Variants in MUC4 observed in about 807,000 individuals in gnomAD.
MUC4 encodes mucin-4.
MUC4 carries 202 observed loss-of-function variants against 257.9 expected under a neutral mutation model. The observed-to-expected ratio is 0.78, with a 90% confidence interval of 0.70 to 0.88. The LOEUF (loss-of-function observed/expected upper bound fraction) is 0.88. MUC4 is among the 40% of genes least tolerant of loss of function. MUC4 has a pLI of 0.00. For synonymous variants in MUC4, 2,351 were observed against 2,757.1 expected, an observed-to-expected ratio of 0.85 and a Z score of 4.62; for missense variants, 5,976 against 6,513.7, an observed-to-expected ratio of 0.92 and a Z score of 2.84.
rs1176367268 is a variant in MUC4 at position 195,747,204 on chromosome 3, A to G, written c.16211T>C (p.Phe5404Ser). 1 of 1,614,272 alleles carries G rather than the reference A, an allele frequency of 6.2e-7. No individual in the cohort carries two copies. Among genetic ancestry groups the G allele is most frequent in the Non-Finnish European group, 8.5e-7 (1 of 1,180,050 alleles). ...WGCSGARFSY[F>S]LNSAEALP ...AGGCAAGGCCTCAGCTGAGTTCAGG[A>G]AATAGGAGAACCTGGCCCCGGAGCA... The change falls in exon 25 of 25, where the codon TTC becomes TCC. Residue 5404 changes from phenylalanine to serine, a missense_variant. This residue lies in a region of MUC4 where 310 missense variants were observed against 242.1 expected (regional missense o/e 1.28). Coordinates refer to ENST00000463781, the MANE Select transcript of MUC4 (RefSeq NM_018406.7).
intron 4 of MUC4, among the ~76,000 whole-genome samples, chr3:195,772,421 G>C (rs1723137421): frequency 7.7e-6 from 1 of 129,994 alleles, no homozygotes. Flanking sequence ...CATCGCTCAG[G>C]GGTGTAGACA....
In MUC4 at chr3:195,774,292, G is replaced by C. The variant is rs1389208130; in HGVS notation, c.12957C>G (p.Phe4319Leu). The change falls in exon 4 of 25, where the codon TTC (phenylalanine) becomes TTG (leucine). Residue 4319 changes from phenylalanine (F) to leucine (L), a missense_variant. Phe to Leu is a conservative substitution (Grantham distance 22). This residue lies in a region of MUC4 where 233 missense variants were observed against 171.2 expected (regional missense o/e 1.36). Transcript: ENST00000463781. Reference sequence around the variant, plus strand: ...GGTCCCCGGCGCCTGCCCCATAGGGGAAGAGGGAAACTCCTGGGCCAGGAC... The same window carrying C: ...GGTCCCCGGCGCCTGCCCCATAGGGCAAGAGGGAAACTCCTGGGCCAGGAC... ...PILPERGVSL[F>L]PYGAGAGDLE... 6.4e-7 allele frequency: 1 copy of C among 1,564,336 alleles called. No homozygotes were observed. The highest frequency in any genetic ancestry group is 8.6e-7 in the Non-Finnish European group (1 of 1,157,920).
chr3:195,767,610 TGCCACCACCATCACC>T (rs1721246277), intron 7 of MUC4, among the ~76,000 whole-genome samples: 1 of 9,894 alleles, frequency 1.0e-4, no homozygotes, highest in Non-Finnish European at 2.5e-4. Context: ...TCATCACCAT[TGCCACCACCATCACC>T]ACCATCACCA....
At position 195,777,854 on chromosome 3, in the gene MUC4, C is replaced by G. The variant is rs1156487651; in HGVS notation, c.12943+449G>C. ...ACCTTCCACATCCATACCTTCCACA[C>G]CCATACCTTCCACACCCATACCTTC... On this transcript the variant is annotated intron_variant, in intron 3 of 24. Transcript: ENST00000463781. Among the ~76,000 whole-genome samples the G allele has an allele frequency of 5.0e-3, 406 of 81,408 alleles. 1 individual carries two copies. The highest frequency in any genetic ancestry group is 0.02 in the African/African-American group (169 of 8,338). 53.4% of individuals were successfully genotyped at this position (81,408 alleles called of 152,430 possible).
At chr3:195,749,114 ATCAG>A in intron 23 of MUC4, 50 bp from the exon 24 acceptor site, 1 of 1,591,192 alleles carries the variant, frequency 6.3e-7, no homozygotes, top group South Asian at 1.1e-5. Flanking sequence ...TGAACACTAA[ATCAG>A]TACCTTTTCA....
Position 195,747,332 on chromosome 3 carries a change from G to A in MUC4, c.16083C>T (p.His5361=), listed in dbSNP as rs568401017. ...IYTAWGEHCE[H]LSMKLDAFFG... is the part of the protein sequence containing the mutation. Reference sequence around the variant, plus strand: ...AGAACGCGTCGAGTTTCATGCTCAGGTGCTCACAGTGCTCGCCCCAGGCCG... The same window carrying A: ...AGAACGCGTCGAGTTTCATGCTCAGATGCTCACAGTGCTCGCCCCAGGCCG... The change falls in exon 25 of 25, where the codon CAC becomes CAT. Residue 5361 remains histidine, a synonymous_variant. Coordinates refer to ENST00000463781, the MANE Select transcript of MUC4 (RefSeq NM_018406.7). The A allele has an allele frequency of 1.2e-6, 2 of 1,613,950 alleles. No individual in the cohort carries two copies. The highest frequency in any genetic ancestry group is 1.3e-5 in the African/African-American group (1 of 74,952).
At chr3:195,754,125 A>C in intron 19 of MUC4, 88 bp downstream of exon 19, 1 of 1,452,236 alleles carries the variant, frequency 6.9e-7, no homozygotes, top group Non-Finnish European at 9.2e-7. Context: ...TGGAAAAAGG[A>C]GAGAAATGGT....
At chr3:195,760,480 T>G in intron 16 of MUC4, among the ~76,000 whole-genome samples, 1 of 139,858 alleles carries the variant, frequency 7.2e-6, no homozygotes, top group Non-Finnish European at 1.6e-5. Flanking sequence ...GGTCCAGCGC[T>G]AGGATGGAGT....
intron 1 of MUC4, among the ~76,000 whole-genome samples, chr3:195,793,261 C>A (rs1295869577): frequency 6.6e-6 from 1 of 152,000 alleles, no homozygotes; most frequent in Non-Finnish European, 1.5e-5. Flanking sequence ...CTTTGGGAGG[C>A]TGAGATGGGT....
rs754904087 is a variant in MUC4 at position 195,782,387 on chromosome 3, C to G, written c.9193G>C (p.Ala3065Pro). ...NPLHVTSPSS[A>P]STGHATPLPV... is the part of the protein sequence containing the mutation. ...AGCGGGGTGGCGTGACCGGTGGATG[C>G]TGAGGAAGGGCTGGTGACATGAAGA... Residue 3065 changes from alanine to proline, a missense_variant, in exon 2 of 25, where the codon GCA (alanine) becomes CCA (proline). Around this residue, in one of 44 missense-constraint regions of MUC4, gnomAD observed 52 missense variants for 102.2 expected, o/e 0.51. Transcript: ENST00000463781. The G allele has an allele frequency of 7.8e-6, 11 of 1,406,706 alleles. No homozygotes were observed. The East Asian group carries it at 3.1e-4, about 40-fold the overall frequency. The allele number at this position is 1,406,706 out of a possible 1,614,324, so 87.1% of individuals were successfully genotyped here. A position where few individuals can be genotyped will look rare whatever the true frequency, so the allele number is the denominator to read the frequency against.
At chr3:195,802,584 C>A (rs902113732) in intron 1 of MUC4, among the ~76,000 whole-genome samples, 1 of 151,990 alleles carries the variant, frequency 6.6e-6, no homozygotes, top group Admixed American at 6.6e-5. Flanking sequence ...GCGTAGGTCC[C>A]GGGGGCGTGG....
rs561825288 is a variant in MUC4 at position 195,748,332 on chromosome 3, G to A, written c.16034+570C>T. ...TAATCTCAGCACTTTGGGAGGCCAA[G>A]GTGGACGGATCACCTGAGGTCAGGA... On this transcript the variant is annotated intron_variant, in intron 24 of 24. Coordinates refer to ENST00000463781, the MANE Select transcript of MUC4 (RefSeq NM_018406.7). Among the ~76,000 whole-genome samples, 140 of 152,412 alleles carry A rather than the reference G, an allele frequency of 9.2e-4. 1 individual carries two copies. The highest frequency in any genetic ancestry group is 1.7e-3 in the Admixed American group (26 of 15,314).
chr3:195,757,221 C>T lies in MUC4; in HGVS notation c.15094G>A (p.Val5032Met), dbSNP rs1434831106. Residue 5032 changes from valine to methionine, a missense_variant, in exon 18 of 25, where the codon GTG becomes ATG. By Grantham distance (21) the Val-to-Met change is conservative. Transcript: ENST00000463781. This position sits in a 1 kb window ranked among gnomAD's most constrained non-coding sequence, Gnocchi z 4.8. ...GLASALQPRT[V>M]VCHCNAESQC... ...CTCTCTGCATTGCAATGGCAGACCA[C>T]AGTCCTGGGCTGGAGTGCAGATGCC... 2 of 1,613,464 alleles carry T rather than the reference C, an allele frequency of 1.2e-6. No individual in the cohort carries two copies. Among genetic ancestry groups the T allele is most frequent in the African/African-American group, 2.7e-5 (2 of 74,946 alleles).
intron 7 of MUC4, among the ~76,000 whole-genome samples, chr3:195,767,801 AT>A (rs1721620939): frequency 8.0e-6 from 1 of 125,636 alleles, no homozygotes; most frequent in Non-Finnish European, 1.6e-5. Flanking sequence ...TGCCACCACC[AT>A]CATCACCACC....
At position 195,789,224 on chromosome 3, in the gene MUC4, G is replaced by C; in HGVS notation, c.2356C>G (p.Gln786Glu). The change falls in exon 2 of 25, where the codon CAG becomes GAG. Residue 786 changes from glutamine (Q) to glutamate (E), a missense_variant. Gln to Glu is a conservative substitution (Grantham distance 29, BLOSUM62 2). Transcript: ENST00000463781. ...CCTGAGGAGGCCGGTTCGCTGGTCT[G>C]TGTTTGTCCAGAGGCCTCTGTGCTC... ...AESTEASGQT[Q>E]TSEPASSGSR... 1 of 1,613,894 alleles carries C rather than the reference G, an allele frequency of 6.2e-7. No homozygotes were observed. The highest frequency in any genetic ancestry group is 8.5e-7 in the Non-Finnish European group (1 of 1,179,852).
intron 20 of MUC4, 164 bp from the exon 21 acceptor site, chr3:195,752,610 GTCGCTGAAGAAACCGGGA>G: frequency 1.6e-6 from 1 of 625,266 alleles, no homozygotes; most frequent in Non-Finnish European, 2.9e-6. Flanking sequence ...GTGACAGAAG[GTCGCTGAAGAAACCGGGA>G]GAAGTGGCCC....
intron 23 of MUC4, chr3:195,750,688 G>T: frequency 1.7e-6 from 1 of 597,582 alleles, no homozygotes; most frequent in Non-Finnish European, 2.9e-6. Flanking sequence ...GCTCCGTGAA[G>T]CTGTATACGT....
intron 15 of MUC4, 67 bp downstream of exon 15, chr3:195,761,417 G>T: frequency 7.4e-7 from 1 of 1,351,842 alleles, no homozygotes. Flanking sequence ...CAGGGCCGAG[G>T]GGGACGACAT....
chr3:195,778,806 C>G lies in MUC4; in HGVS notation c.12774G>C (p.Leu4258=). 1 of 1,611,270 alleles carries G rather than the reference C, an allele frequency of 6.2e-7. No homozygotes were observed. Among genetic ancestry groups the G allele is most frequent in the Non-Finnish European group, 8.5e-7 (1 of 1,178,978 alleles). Residue 4258 remains leucine (L), a synonymous_variant, in exon 2 of 25, where the codon CTG becomes CTC. Coordinates refer to ENST00000463781, the MANE Select transcript of MUC4 (RefSeq NM_018406.7). ...SASTVSSDSP[L]KMETPGMTTP... ...GGCAGCTACCTGGTGTTTCCATCTT[C>G]AGAGGGGAGTCCGAGGATACTGTGG... is the stretch of plus-strand genomic sequence containing the variant.
Sources: gnomAD v4.1 joint callset for allele counts (sites outside exome capture counted in the v4.1 genomes callset) on GRCh38, gnomAD v4.1.1 for gene constraint, gnomAD v4.1.1 regional missense constraint, Gnocchi (gnomAD v3.1) non-coding constraint, MANE v1.5 for transcripts, NCBI Gene and HGNC (gene_info 2026-07-23, HGNC 2026-07-21) for gene names.